The following SEC63 variants were observed in gnomAD, a reference collection of about 807,000 sequenced individuals.
The protein encoded by SEC63 is translocation protein SEC63 homolog.
In SEC63, 56 loss-of-function variants were observed where a neutral mutation model predicts 116.2. The observed-to-expected ratio is 0.48, with a 90% CI of 0.39 to 0.60. The LOEUF is 0.60. Ranked by LOEUF, SEC63 falls within the 20% of genes least tolerant of loss-of-function variation. SEC63 has a pLI of 0.00. For synonymous variants in SEC63, 273 were observed against 294.6 expected (o/e 0.93, Z 0.75); for missense variants, 668 against 900.0 (o/e 0.74, Z 3.30).
chr6:107,897,524 G>A, intron 14 of SEC63, 125 bp downstream of exon 14: 1 of 733,534 alleles, frequency 1.4e-6, no homozygotes, highest in East Asian at 2.5e-5. Flanking sequence ...TTTCAAAAGA[G>A]TTAACAGAAT....
Position 107,893,472 on chromosome 6 carries a change from A to C in SEC63, c.1674+10T>G. On this transcript the variant is annotated intron_variant, in intron 16 of 20. Transcript: ENST00000369002. ...CTTAATAATGATAATAACGATAATA[A>C]TAAACTTACATTCCCAACGACTCCA... 1 of 1,610,144 alleles carries C rather than the reference A, an allele frequency of 6.2e-7. No homozygotes were observed. Among genetic ancestry groups the C allele is most frequent in the East Asian group, 2.2e-5 (1 of 44,854 alleles).
intron 1 of SEC63, among the ~76,000 whole-genome samples, chr6:107,935,185 G>A (rs915992097): frequency 3.3e-5 from 5 of 150,422 alleles, no homozygotes; most frequent in East Asian, 2.0e-4. Flanking sequence ...TCAGCCCCCC[G>A]CCCGGCCAGC....
intron 1 of SEC63, among the ~76,000 whole-genome samples, chr6:107,942,090 T>C (rs1770389265): frequency 6.6e-6 from 1 of 152,216 alleles, no homozygotes; most frequent in Non-Finnish European, 1.5e-5. Flanking sequence ...TACCACAATA[T>C]ACCTACCATT....
intron 1 of SEC63, among the ~76,000 whole-genome samples, chr6:107,936,069 T>G (rs1036133590): frequency 6.6e-6 from 1 of 152,340 alleles, no homozygotes; most frequent in Non-Finnish European, 1.5e-5. Flanking sequence ...TTGATGAGGT[T>G]TTATAAGAAC....
intron 4 of SEC63, among the ~76,000 whole-genome samples, chr6:107,913,778 C>T (rs1787338873): frequency 6.6e-6 from 1 of 152,114 alleles, no homozygotes. Context: ...TTTTTTTCCC[C>T]TTATACTCTC....
At chr6:107,884,098 AAAAC>A (rs4029205) in intron 16 of SEC63, among the ~76,000 whole-genome samples, 14 of 150,208 alleles carry the variant, frequency 9.3e-5, no homozygotes, top group Non-Finnish European at 1.3e-4. Flanking sequence ...AAAAATACAA[AAAAC>A]AAACAAACAA....
chr6:107,912,746 A>G lies in SEC63; in HGVS notation c.543T>C (p.Ala181=), dbSNP rs1787310894. The change falls in exon 6 of 21, where the codon GCT becomes GCC. Residue 181 remains alanine, a synonymous_variant. Transcript: ENST00000369002. ...QATSFGIALP[A]WIVDQKNSIL... ...TTGAGTTTTTCTGGTCAACTATCCA[A>G]GCTGGCAGGGCAATTCCAAAGCTTG... 1 of 1,611,554 alleles carries G rather than the reference A, an allele frequency of 6.2e-7. No individual in the cohort carries two copies. The highest frequency in any genetic ancestry group is 8.5e-7 in the Non-Finnish European group (1 of 1,177,850).
At position 107,945,553 on chromosome 6, in the gene SEC63, C is replaced by CT. The variant is rs1396554072; in HGVS notation, c.124+12332dup. On this transcript the variant is annotated intron_variant, in intron 1 of 20. Transcript: ENST00000369002. ...TCTCTTGACCTCGTGATCCACCCCC[C>CT]TCGGCCTCCCAAAGTGCTGGGATTA... Among the ~76,000 whole-genome samples the CT allele has an allele frequency of 4.6e-5, 7 of 151,974 alleles. No homozygotes were observed. In the East Asian group the frequency reaches 1.4e-3, roughly 29 times the overall value.
chr6:107,927,957 C>T (rs767335390), intron 2 of SEC63, among the ~76,000 whole-genome samples: 5 of 151,958 alleles, frequency 3.3e-5, no homozygotes, highest in Non-Finnish European at 5.9e-5. Context: ...CAAATATTTT[C>T]GATTCACAGT....
chr6:107,939,229 G>A (rs1340687136), intron 1 of SEC63, among the ~76,000 whole-genome samples: 2 of 152,170 alleles, frequency 1.3e-5, no homozygotes, highest in Non-Finnish European at 2.9e-5. Context: ...GCTGTAGTGA[G>A]CCATGATCAC....
chr6:107,914,618 T>C (rs1583752215), intron 4 of SEC63, among the ~76,000 whole-genome samples: 1 of 152,268 alleles, frequency 6.6e-6, no homozygotes, highest in Non-Finnish European at 1.5e-5. Context: ...ATAAAAAGCA[T>C]TACTAGACAG....
chr6:107,884,558 T>C (rs1786485640), intron 16 of SEC63, among the ~76,000 whole-genome samples: 1 of 152,000 alleles, frequency 6.6e-6, no homozygotes, highest in Admixed American at 6.6e-5. Flanking sequence ...AGAAATAAAC[T>C]CTGCGAATAA....
chr6:107,912,256 C>T (rs1173314299), intron 6 of SEC63, among the ~76,000 whole-genome samples: 1 of 152,096 alleles, frequency 6.6e-6, no homozygotes, highest in Non-Finnish European at 1.5e-5. Context: ...CCTGAAATAC[C>T]ATATGGAATA....
At chr6:107,947,395 G>A (rs1770499357) in intron 1 of SEC63, among the ~76,000 whole-genome samples, 1 of 152,106 alleles carries the variant, frequency 6.6e-6, no homozygotes, top group African/African-American at 2.4e-5. Context: ...ACAGGAGACT[G>A]AGATAACCCA....
At chr6:107,950,726 G>A (rs922274956) in intron 1 of SEC63, among the ~76,000 whole-genome samples, 2 of 152,098 alleles carry the variant, frequency 1.3e-5, no homozygotes, top group Non-Finnish European at 2.9e-5. Flanking sequence ...TCAAAACCAG[G>A]CATTTTGAAA....
At position 107,924,949 on chromosome 6, in the gene SEC63, T is replaced by TA. The variant is rs762152083; in HGVS notation, c.225-18dup. 10 of 1,383,926 alleles carry TA rather than the reference T, an allele frequency of 7.2e-6. No individual in the cohort carries two copies. The highest frequency in any genetic ancestry group is 1.0e-5 in the Non-Finnish European group (10 of 970,836). The allele number at this position is 1,383,926 out of a possible 1,614,324, so 85.7% of individuals were successfully genotyped here. On this transcript the variant is annotated splice_polypyrimidine_tract_variant and intron_variant, in intron 2 of 20. Transcript: ENST00000369002. ...ACTATTTTCCTGTTTAGGAAAAAGGTAAGTGAATCATAAACAAATACATCT... is the reference window on the plus strand; with the variant it reads ...ACTATTTTCCTGTTTAGGAAAAAGGTAAAGTGAATCATAAACAAATACATCT...
intron 8 of SEC63, among the ~76,000 whole-genome samples, chr6:107,908,119 A>G (rs1207517588): frequency 6.6e-6 from 1 of 152,182 alleles, no homozygotes; most frequent in African/African-American, 2.4e-5. Flanking sequence ...CATTACTAAG[A>G]AAATTAGTAA....
rs754388185 is a variant in SEC63, at chr6:107,924,931, T to C, written c.226A>G (p.Lys76Glu). 1 of 1,546,178 alleles carries C rather than the reference T, an allele frequency of 6.5e-7. No individual in the cohort carries two copies. The highest frequency in any genetic ancestry group is 1.1e-5 in the South Asian group (1 of 89,702). ...PQPNIIPTVK[K>E]IVLLAGWALF... ...GCCCATCCTGCAAGCAGAACTATTT[T>C]CCTGTTTAGGAAAAAGGTAAGTGAA... The change falls in exon 3 of 21, where the codon AAA becomes GAA. Residue 76 changes from lysine to glutamate, a missense_variant and splice_region_variant. Transcript: ENST00000369002.
chr6:107,958,055 C>T lies in SEC63; in HGVS notation c.-46G>A, dbSNP rs1189371810. ...GCTCTTCTCACCGCCGCCGCCACGA[C>T]CACGCTCTGCACTCCCGCTCCCAAC... is the stretch of plus-strand genomic sequence containing the variant. On this transcript the variant is annotated 5_prime_UTR_variant, in exon 1 of 21. Transcript: ENST00000369002. The T allele has an allele frequency of 6.2e-7, 1 of 1,602,322 alleles. No homozygotes were observed. The highest frequency in any genetic ancestry group is 1.1e-5 in the South Asian group (1 of 90,508).
Sources: allele counts gnomAD v4.1 joint callset (sites outside exome capture counted in the v4.1 genomes callset), GRCh38; gene constraint gnomAD v4.1.1; transcripts MANE v1.5; gene names NCBI Gene and HGNC (gene_info 2026-07-23, HGNC 2026-07-21).